The following HSPA4L variants were observed in gnomAD, a reference collection of about 807,000 sequenced individuals.
The protein encoded by HSPA4L is heat shock protein family A (Hsp70) member 4 like.
In HSPA4L, 48 loss-of-function variants were observed where a neutral mutation model predicts 100.3. That is an observed-to-expected ratio of 0.48 (90% CI 0.38 to 0.61). The LOEUF (loss-of-function observed/expected upper bound fraction) is 0.61. HSPA4L is among the 20% of genes least tolerant of loss of function. The probability of loss-of-function intolerance (pLI) is 0.00; values close to 1 mark genes in which losing one functional copy is unlikely to be tolerated. For synonymous variants in HSPA4L, 319 were observed against 328.2 expected (o/e 0.97, Z 0.30); for missense variants, 886 against 988.6 (o/e 0.90, Z 1.39).
chr4:127,817,940 T>A (rs1222600410), intron 12 of HSPA4L, among the ~76,000 whole-genome samples: 1 of 152,206 alleles, frequency 6.6e-6, no homozygotes, highest in Non-Finnish European at 1.5e-5. Flanking sequence ...GGTGGTTTGC[T>A]GCACCCATCA....
chr4:127,825,688 G>A (rs905231554), intron 16 of HSPA4L, among the ~76,000 whole-genome samples: 3 of 152,052 alleles, frequency 2.0e-5, no homozygotes, highest in Admixed American at 2.0e-4. Flanking sequence ...GCCCAAAGTG[G>A]CAGAGGCAGG....
At chr4:127,826,979 A>G (rs557253343) in intron 16 of HSPA4L, among the ~76,000 whole-genome samples, 4 of 152,304 alleles carry the variant, frequency 2.6e-5, no homozygotes, top group African/African-American at 9.6e-5. Context: ...TGCATGCAGT[A>G]TAGTTTTTAC....
rs977955245 is a variant in HSPA4L at position 127,782,594 on chromosome 4, T to C, written c.44T>C (p.Ile15Thr). 2.5e-6 allele frequency: 4 copies of C among 1,613,940 alleles called. No individual in the cohort carries two copies. Among genetic ancestry groups the C allele is most frequent in the African/African-American group, 2.7e-5 (2 of 74,906 alleles). ...GIDLGFLNCY[I>T]AVARSGGIET... Reference sequence around the variant, plus strand: ...GACCTCGGCTTTCTCAACTGCTACATTGCTGTCGCGAGAAGTGGCGGCATC... The same window carrying C: ...GACCTCGGCTTTCTCAACTGCTACACTGCTGTCGCGAGAAGTGGCGGCATC... Residue 15 changes from isoleucine (I) to threonine (T), a missense_variant, in exon 1 of 19, where the codon ATT becomes ACT. Physicochemically the swap from Ile to Thr is moderately conservative, Grantham distance 89. Transcript: ENST00000296464.
At chr4:127,793,182 C>A (rs1372245455) in intron 1 of HSPA4L, among the ~76,000 whole-genome samples, 7 of 152,132 alleles carry the variant, frequency 4.6e-5, no homozygotes. Flanking sequence ...GACTTACATA[C>A]CTATATATCA....
At chr4:127,800,781 T>C (rs1733153266) in intron 4 of HSPA4L, among the ~76,000 whole-genome samples, 1 of 152,324 alleles carries the variant, frequency 6.6e-6, no homozygotes, top group East Asian at 1.9e-4. Flanking sequence ...TATATGGATA[T>C]ACCATAATAT....
At chr4:127,800,519 A>T (rs1404177865) in intron 4 of HSPA4L, among the ~76,000 whole-genome samples, 1 of 152,138 alleles carries the variant, frequency 6.6e-6, no homozygotes, top group Non-Finnish European at 1.5e-5. Context: ...GTATGTATGT[A>T]TGTATATTTT....
At chr4:127,829,845 T>G (rs905633184) in intron 17 of HSPA4L, among the ~76,000 whole-genome samples, 1 of 151,726 alleles carries the variant, frequency 6.6e-6, no homozygotes, top group Non-Finnish European at 1.5e-5. Flanking sequence ...TAAAAAGTGA[T>G]CCATGACATA....
chr4:127,790,667 T>C (rs1341365131), intron 1 of HSPA4L, among the ~76,000 whole-genome samples: 1 of 152,222 alleles, frequency 6.6e-6, no homozygotes, highest in Non-Finnish European at 1.5e-5. Flanking sequence ...GTGTTCACAA[T>C]AGAGTTTGTG....
At chr4:127,801,996 C>A in intron 6 of HSPA4L, 78 bp downstream of exon 6, 1 of 1,130,056 alleles carries the variant, frequency 8.8e-7, no homozygotes, top group Non-Finnish European at 1.2e-6. Flanking sequence ...GGGTTCGAAT[C>A]CTGGCTCTGC....
At chr4:127,828,770 C>A (rs1329984027) in intron 17 of HSPA4L, among the ~76,000 whole-genome samples, 4 of 151,996 alleles carry the variant, frequency 2.6e-5, no homozygotes, top group Non-Finnish European at 4.4e-5. Context: ...AAGGAAGAAA[C>A]AACCCAATGA....
chr4:127,820,452 C>A lies in HSPA4L; in HGVS notation c.1699C>A (p.Arg567=). The change falls in exon 14 of 19, where the codon CGA becomes AGA. Residue 567 remains arginine (R), a synonymous_variant. Transcript: ENST00000296464. ...GTCAGCTGTCTCAGACAAACAAGAC[C>A]GATTAAATCAGACACTTAAAAAAGG... ...TKSAVSDKQD[R]LNQTLKKGKV... 1 of 1,597,986 alleles carries A rather than the reference C, an allele frequency of 6.3e-7. No homozygotes were observed. Among genetic ancestry groups the A allele is most frequent in the Non-Finnish European group, 8.5e-7 (1 of 1,174,078 alleles).
chr4:127,801,742 AATTAC>A, intron 5 of HSPA4L, 38 bp from the exon 6 acceptor site: 2 of 1,514,916 alleles, frequency 1.3e-6, no homozygotes, highest in Non-Finnish European at 1.8e-6. Flanking sequence ...TTTTCCAAGT[AATTAC>A]TGTGCTAGAA....
At position 127,790,702 on chromosome 4, in the gene HSPA4L, T is replaced by A. The variant is rs188212422; in HGVS notation, c.108-3375T>A. Among the ~76,000 whole-genome samples, 6 of 152,372 alleles carry A rather than the reference T, an allele frequency of 3.9e-5. No homozygotes were observed. In the East Asian group the frequency reaches 1.2e-3, roughly 29 times the overall value. ...GACTGTCCTGTCCCCAAACCTATCT[T>A]TCTTAGAAAATTTTCTGTCTCATTG... On this transcript the variant is annotated intron_variant, in intron 1 of 18. Coordinates refer to ENST00000296464, the MANE Select transcript of HSPA4L (RefSeq NM_014278.4).
rs113882065 is a variant in HSPA4L at position 127,815,134 on chromosome 4, CT to C, written c.1579-3181del. On this transcript the variant is annotated intron_variant, in intron 12 of 18. Coordinates refer to ENST00000296464, the MANE Select transcript of HSPA4L (RefSeq NM_014278.4). ...TAAACCAGTGAACATCAGCAGGAGCCTTTTTTTTTTCTATGAGGGTCAGTTT... is the reference window on the plus strand; with the variant it reads ...TAAACCAGTGAACATCAGCAGGAGCCTTTTTTTTTCTATGAGGGTCAGTTT... 1.3e-4 allele frequency among the ~76,000 whole-genome samples: 19 copies of C among 146,638 alleles called. No individual in the cohort carries two copies. The South Asian group carries it at 2.6e-3, about 20-fold the overall frequency.
chr4:127,823,782 T>G (rs1427608499), intron 16 of HSPA4L, among the ~76,000 whole-genome samples, 158 bp downstream of exon 16: 6 of 152,224 alleles, frequency 3.9e-5, no homozygotes, highest in Admixed American at 3.9e-4. Flanking sequence ...TATGCACACA[T>G]TGTGGAATGG....
chr4:127,818,886 A>G (rs1733742159), intron 13 of HSPA4L, among the ~76,000 whole-genome samples: 1 of 151,776 alleles, frequency 6.6e-6, no homozygotes, highest in African/African-American at 2.4e-5. Context: ...AAAAGTTTAA[A>G]AAAAAAAAAA....
chr4:127,832,578 A>G (rs768789760), intron 18 of HSPA4L, 105 bp from the exon 19 acceptor site: 4 of 989,384 alleles, frequency 4.0e-6, no homozygotes, highest in Admixed American at 4.9e-5. Context: ...AAATTCAGAA[A>G]GGGGGAATTA....
At chr4:127,805,840 C>T in intron 10 of HSPA4L, 47 bp downstream of exon 10, 1 of 1,226,402 alleles carries the variant, frequency 8.2e-7, no homozygotes, top group Non-Finnish European at 1.2e-6. Context: ...TAAATCTTTA[C>T]CCAGTTAAAC....
At chr4:127,812,781 A>G in intron 12 of HSPA4L, 1 of 1,469,570 alleles carries the variant, frequency 6.8e-7, no homozygotes, top group Non-Finnish European at 9.5e-7. Context: ...TGGTTCTCAC[A>G]AAGTGTGCTG....
Sources: gnomAD v4.1 joint callset for allele counts (sites outside exome capture counted in the v4.1 genomes callset) on GRCh38, gnomAD v4.1.1 for gene constraint, MANE v1.5 for transcripts, NCBI Gene and HGNC (gene_info 2026-07-23, HGNC 2026-07-21) for gene names.